Variants in GREM2 observed in about 807,000 individuals in gnomAD.
The protein encoded by GREM2 is gremlin-2.
In GREM2, 11 loss-of-function variants were observed where a neutral mutation model predicts 14.2. The ratio of observed to expected loss-of-function variants is 0.78; its 90% CI spans 0.49 to 1.28. The LOEUF (loss-of-function observed/expected upper bound fraction) is 1.28, where lower values mean the gene tolerates loss of function less well. Among genes scored for constraint, GREM2 ranks in the 50% most tolerant of loss-of-function variants. GREM2 has a pLI of 0.00. For missense variants in GREM2, 210 were observed against 218.5 expected, an observed-to-expected ratio of 0.96 and a Z score of 0.24; for synonymous variants, 98 against 97.6, an observed-to-expected ratio of 1.00 and a Z score of -0.02.
At chr1:240,585,188 T>C (rs1270441233) in intron 1 of GREM2, among the ~76,000 whole-genome samples, 2 of 152,006 alleles carry the variant, frequency 1.3e-5, no homozygotes, top group Non-Finnish European at 2.9e-5. Flanking sequence ...TTTGTGAGCA[T>C]AAGCACATGT....
chr1:240,569,783 G>C (rs1419526307), intron 1 of GREM2, among the ~76,000 whole-genome samples: 2 of 152,114 alleles, frequency 1.3e-5, no homozygotes, highest in Non-Finnish European at 2.9e-5. Context: ...CCCTGTGTTA[G>C]GAGATTTCTT....
At chr1:240,562,146 C>T (rs1679051977) in intron 1 of GREM2, among the ~76,000 whole-genome samples, 1 of 152,098 alleles carries the variant, frequency 6.6e-6, no homozygotes, top group South Asian at 2.1e-4. Flanking sequence ...GAAACATTTT[C>T]GGGATGAAGT....
chr1:240,493,022 C>G lies in GREM2; in HGVS notation c.454G>C (p.Val152Leu), dbSNP rs774205903. 1.5e-5 allele frequency: 24 copies of G among 1,594,710 alleles called. No homozygotes were observed. In the South Asian group the frequency reaches 2.7e-4, roughly 18 times the overall value. ...ACGGACATGCACCGGCACTGCTTCA[C>G]CTTCTGGATTTTCTTGAGTCGGAAG... ...PPFRLKKIQK[V>L]KQCRCMSVNL... Residue 152 changes from valine (V) to leucine (L), a missense_variant, in exon 2 of 2, where the codon GTG becomes CTG. Val to Leu is a conservative substitution (Grantham distance 32). Transcript: ENST00000318160.
chr1:240,521,246 G>A (rs369978639), intron 1 of GREM2, among the ~76,000 whole-genome samples: 4 of 152,160 alleles, frequency 2.6e-5, no homozygotes, highest in African/African-American at 9.6e-5. Context: ...TCTTTCCCCT[G>A]CTTTCTCACT....
chr1:240,531,272 A>G lies in GREM2; in HGVS notation c.-1-37796T>C, dbSNP rs188545657. Among the ~76,000 whole-genome samples the G allele has an allele frequency of 8.9e-4, 136 of 152,316 alleles. 1 individual carries two copies. The highest frequency in any genetic ancestry group is 3.0e-3 in the African/African-American group (124 of 41,564). Reference sequence around the variant, plus strand: ...CTCTCCATTGTGTTCATCTCTATTTATATGGATTTTCTTTCTAACCCGCTG... The same window carrying G: ...CTCTCCATTGTGTTCATCTCTATTTGTATGGATTTTCTTTCTAACCCGCTG... On this transcript the variant is annotated intron_variant, in intron 1 of 1. Coordinates refer to ENST00000318160, the MANE Select transcript of GREM2 (RefSeq NM_022469.4).
chr1:240,489,850 C>T lies in GREM2; in HGVS notation c.*3119G>A, dbSNP rs1467738679. 3.3e-5 allele frequency: 5 copies of T among 152,046 alleles called. No individual in the cohort carries two copies. The highest frequency in any genetic ancestry group is 7.3e-5 in the African/African-American group (3 of 41,348). The allele number at this position is 152,046 out of a possible 1,614,324, so 9.4% of individuals were successfully genotyped here. ...TTTCAAAAACAAGTGAGTTAGAATA[C>T]GTTAGCAGTGAAATATTCTGTCCCA... On this transcript the variant is annotated 3_prime_UTR_variant, in exon 2 of 2. Coordinates refer to ENST00000318160, the MANE Select transcript of GREM2 (RefSeq NM_022469.4).
intron 1 of GREM2, among the ~76,000 whole-genome samples, chr1:240,534,864 A>C (rs916046115): frequency 6.6e-6 from 1 of 152,120 alleles, no homozygotes; most frequent in Non-Finnish European, 1.5e-5. Flanking sequence ...AAACATGTTG[A>C]GGAAGCTAGA....
At chr1:240,606,688 T>C (rs899647256) in intron 1 of GREM2, among the ~76,000 whole-genome samples, 1 of 151,632 alleles carries the variant, frequency 6.6e-6, no homozygotes, top group Non-Finnish European at 1.5e-5. Context: ...TTTTTTTTTT[T>C]TTTTTTTGAG....
chr1:240,559,997 A>G (rs1184869752), intron 1 of GREM2, among the ~76,000 whole-genome samples: 1 of 152,154 alleles, frequency 6.6e-6, no homozygotes, highest in Non-Finnish European at 1.5e-5. Flanking sequence ...AAGTATCAAA[A>G]AGACATCTGA....
chr1:240,497,790 C>T (rs138356943), intron 1 of GREM2, among the ~76,000 whole-genome samples: 1 of 152,124 alleles, frequency 6.6e-6, no homozygotes, highest in Middle Eastern at 3.4e-3. Context: ...CCAGCTGGCT[C>T]AGGCCAAGTG....
chr1:240,536,000 C>G (rs1398449829), intron 1 of GREM2, among the ~76,000 whole-genome samples: 1 of 151,932 alleles, frequency 6.6e-6, no homozygotes, highest in African/African-American at 2.4e-5. Flanking sequence ...TTTGGGAACA[C>G]GTAGGACCTG....
Position 240,555,174 on chromosome 1 carries a change from G to A in GREM2, c.-2+56710C>T, listed in dbSNP as rs533125233. On this transcript the variant is annotated intron_variant, in intron 1 of 1. Coordinates refer to ENST00000318160, the MANE Select transcript of GREM2 (RefSeq NM_022469.4). ...AAAAAGAAAGAAAGAAAGAAAGAAA[G>A]AAAAAAGAATTGTGACCATATTCTG... is the stretch of plus-strand genomic sequence containing the variant. Among the ~76,000 whole-genome samples the A allele has an allele frequency of 2.9e-5, 4 of 138,788 alleles. No homozygotes were observed. The Admixed American group carries it at 2.9e-4, about 10-fold the overall frequency. The allele number at this position is 138,788 out of a possible 152,430, so 91.1% of individuals were successfully genotyped here. A position where few individuals can be genotyped will look rare whatever the true frequency, so the allele number is the denominator to read the frequency against.
At chr1:240,524,703 A>G (rs1678184130) in intron 1 of GREM2, among the ~76,000 whole-genome samples, 1 of 152,230 alleles carries the variant, frequency 6.6e-6, no homozygotes, top group African/African-American at 2.4e-5. Flanking sequence ...CAAGTGTGAC[A>G]TAAAACAACA....
chr1:240,510,116 T>C (rs1450114088), intron 1 of GREM2, among the ~76,000 whole-genome samples: 2 of 152,088 alleles, frequency 1.3e-5, no homozygotes, highest in Non-Finnish European at 2.9e-5. Context: ...ACGCCTGTAA[T>C]CCCAGCACTT....
intron 1 of GREM2, among the ~76,000 whole-genome samples, chr1:240,585,729 C>CAAA (rs370321961): frequency 7.4e-5 from 5 of 67,816 alleles, no homozygotes; most frequent in Non-Finnish European, 1.0e-4. Context: ...GACTCCATCT[C>CAAA]AAAAAAAAAA....
intron 1 of GREM2, among the ~76,000 whole-genome samples, chr1:240,504,585 A>G (rs1239548621): frequency 1.3e-5 from 2 of 152,184 alleles, no homozygotes; most frequent in Non-Finnish European, 2.9e-5. Context: ...TTATTGTGGT[A>G]TATCGCCTAA....
At chr1:240,598,256 C>T (rs1679858074) in intron 1 of GREM2, among the ~76,000 whole-genome samples, 2 of 152,326 alleles carry the variant, frequency 1.3e-5, no homozygotes, top group South Asian at 2.1e-4. Flanking sequence ...GGTAGCCAAA[C>T]TATTGTTCTG....
chr1:240,607,496 G>A (rs1157345385), intron 1 of GREM2, among the ~76,000 whole-genome samples: 1 of 152,176 alleles, frequency 6.6e-6, no homozygotes, highest in Non-Finnish European at 1.5e-5. Flanking sequence ...CATTGGTCAA[G>A]TTGAAGTCTT....
intron 1 of GREM2, among the ~76,000 whole-genome samples, chr1:240,520,912 C>CCA (rs974019351): frequency 1.1e-5 from 1 of 89,106 alleles, no homozygotes; most frequent in African/African-American, 4.4e-5. Flanking sequence ...TCTTCATGGG[C>CCA]AAAAAAAAAA....
Sources: gnomAD v4.1 joint callset for allele counts (sites outside exome capture counted in the v4.1 genomes callset) on GRCh38, gnomAD v4.1.1 for gene constraint, MANE v1.5 for transcripts, NCBI Gene and HGNC (gene_info 2026-07-23, HGNC 2026-07-21) for gene names.